Variants in AFG2A observed in about 807,000 individuals in gnomAD.
The protein encoded by AFG2A is ATPase family gene 2 protein homolog A.
At chr4:123,132,614 A>ATGTG in the AFG2A span, among the ~76,000 whole-genome samples, 36 of 148,302 alleles carry the variant, frequency 2.4e-4, no homozygotes, top group African/African-American at 8.9e-4. Flanking sequence ...ATATATATAT[A>ATGTG]TGTGCATATA....
At chr4:123,174,423 T>C in the AFG2A span, among the ~76,000 whole-genome samples, 4 of 152,246 alleles carry the variant, frequency 2.6e-5, no homozygotes, top group South Asian at 8.3e-4. Flanking sequence ...ATTAAAATTA[T>C]AATAAGACTT....
chr4:122,938,098 A>C, the AFG2A span: 1 of 1,557,984 alleles, frequency 6.4e-7, no homozygotes, highest in Non-Finnish European at 8.7e-7. Context: ...TATAGATGAG[A>C]GATTTCATTT....
At chr4:123,247,157 C>T in the AFG2A span, among the ~76,000 whole-genome samples, 2 of 152,022 alleles carry the variant, frequency 1.3e-5, no homozygotes, top group Admixed American at 6.6e-5. Flanking sequence ...TTATATTGCC[C>T]ATGGTTTCAT....
the AFG2A span, among the ~76,000 whole-genome samples, chr4:123,281,871 A>G: frequency 6.6e-6 from 1 of 152,170 alleles, no homozygotes; most frequent in African/African-American, 2.4e-5. Flanking sequence ...TTCCAAATAT[A>G]TGATATTCTG....
the AFG2A span, among the ~76,000 whole-genome samples, chr4:122,976,503 A>G: frequency 1.9e-3 from 283 of 152,310 alleles, 2 homozygotes; most frequent in Middle Eastern, 6.8e-3. Flanking sequence ...ATTCTACGTC[A>G]TCCTAGTTTT....
the AFG2A span, among the ~76,000 whole-genome samples, chr4:123,129,892 AT>A: frequency 6.6e-6 from 1 of 151,884 alleles, no homozygotes; most frequent in African/African-American, 2.4e-5. Context: ...TAATTATATA[AT>A]CTTAATTTTA....
the AFG2A span, among the ~76,000 whole-genome samples, chr4:123,196,747 A>G: frequency 3.3e-5 from 5 of 152,186 alleles, no homozygotes; most frequent in African/African-American, 4.8e-5. Flanking sequence ...ACCGTTTGAT[A>G]GTATTAGAAA....
At chr4:123,159,436 T>C in the AFG2A span, among the ~76,000 whole-genome samples, 1 of 152,162 alleles carries the variant, frequency 6.6e-6, no homozygotes, top group Admixed American at 6.5e-5. Context: ...GATTATAAGG[T>C]GCATCATTAC....
At chr4:123,180,400 T>G in the AFG2A span, among the ~76,000 whole-genome samples, 2 of 152,198 alleles carry the variant, frequency 1.3e-5, no homozygotes. Context: ...AACTTGTGGT[T>G]GACACTGTAG....
At chr4:122,935,863 G>T in the AFG2A span, 1 of 1,580,518 alleles carries the variant, frequency 6.3e-7, no homozygotes, top group South Asian at 1.2e-5. Context: ...TGATTTAATA[G>T]AGTAAACTTA....
the AFG2A span, among the ~76,000 whole-genome samples, chr4:122,925,146 C>G: frequency 2.0e-5 from 3 of 152,100 alleles, no homozygotes; most frequent in Non-Finnish European, 2.9e-5. Context: ...ACTCTCCCCC[C>G]CATATCTCAC....
the AFG2A span, among the ~76,000 whole-genome samples, chr4:123,178,450 C>A: frequency 6.6e-6 from 1 of 152,176 alleles, no homozygotes; most frequent in Admixed American, 6.5e-5. Flanking sequence ...CATTCATATT[C>A]TTGAACAACA....
chr4:123,130,073 A>G, the AFG2A span, among the ~76,000 whole-genome samples: 6 of 152,116 alleles, frequency 3.9e-5, no homozygotes, highest in South Asian at 1.0e-3. Flanking sequence ...CAGTGGTGCA[A>G]TCATAGCTCA....
chr4:123,265,301 A>G, the AFG2A span, among the ~76,000 whole-genome samples: 1 of 152,176 alleles, frequency 6.6e-6, no homozygotes, highest in African/African-American at 2.4e-5. Context: ...GGAAATATAC[A>G]GCAGCCGACT....
chr4:122,980,848 T>A, the AFG2A span, among the ~76,000 whole-genome samples: 163 of 152,318 alleles, frequency 1.1e-3, no homozygotes, highest in African/African-American at 3.8e-3. Context: ...TTGTTTGTTT[T>A]TTTTTGCTTT....
chr4:123,317,704 T>C, the AFG2A span: 2 of 152,112 alleles, frequency 1.3e-5, no homozygotes, highest in Non-Finnish European at 2.9e-5. Context: ...TAAATATCCA[T>C]CAGTAATAGA....
At chr4:122,932,838 G>A in the AFG2A span, among the ~76,000 whole-genome samples, 1 of 152,150 alleles carries the variant, frequency 6.6e-6, no homozygotes, top group Non-Finnish European at 1.5e-5. Flanking sequence ...GTAACATACT[G>A]TATAGGACTT....
chr4:122,946,972 G>A, the AFG2A span, among the ~76,000 whole-genome samples: 1 of 152,008 alleles, frequency 6.6e-6, no homozygotes, highest in East Asian at 1.9e-4. Flanking sequence ...CATAGTAGAT[G>A]GAGAGGTGAG....
At chr4:123,176,998 T>A in the AFG2A span, among the ~76,000 whole-genome samples, 1 of 152,166 alleles carries the variant, frequency 6.6e-6, no homozygotes, top group Non-Finnish European at 1.5e-5. Flanking sequence ...GCATTAATAT[T>A]TCTTGTGGGA....
Sources: gnomAD v4.1 joint callset for allele counts (sites outside exome capture counted in the v4.1 genomes callset) on GRCh38, gnomAD v4.1.1 for gene constraint, MANE v1.5 for transcripts, NCBI Gene and HGNC (gene_info 2026-07-23, HGNC 2026-07-21) for gene names.